GLIS3: variants seen among roughly 807,000 people sequenced by gnomAD.
GLIS3 encodes GLIS family zinc finger 3, also known as zinc finger protein GLIS3.
Under a neutral mutation model 78.6 loss-of-function variants are expected in GLIS3, and 53 were observed. That is an observed-to-expected ratio of 0.67 (90% CI 0.54 to 0.85). The LOEUF is 0.85. Among genes scored for constraint, GLIS3 ranks in the 40% least tolerant of loss-of-function variants. The pLI is 0.00. For synonymous variants in GLIS3, 684 were observed against 509.9 expected (o/e 1.34, Z -4.60); for missense variants, 1,703 against 1,231.1 (o/e 1.38, Z -5.74).
intron 4 of GLIS3, among the ~76,000 whole-genome samples, chr9:4,056,216 T>C (rs1434682715): frequency 1.3e-5 from 2 of 152,198 alleles, no homozygotes; most frequent in African/African-American, 4.8e-5. Flanking sequence ...AATTTATCTC[T>C]AAAAGCCCTT....
intron 7 of GLIS3, among the ~76,000 whole-genome samples, chr9:3,894,203 A>C (rs532281313): frequency 2.0e-5 from 3 of 152,216 alleles, no homozygotes; most frequent in Non-Finnish European, 4.4e-5. Context: ...AGTTAATGCA[A>C]GTAATAACTA....
chr9:4,041,106 G>C (rs1824775599), intron 4 of GLIS3, among the ~76,000 whole-genome samples: 1 of 152,194 alleles, frequency 6.6e-6, no homozygotes, highest in Non-Finnish European at 1.5e-5. Context: ...CAGGCATTTT[G>C]GCCATGTCCA....
chr9:4,455,878 C>G, the GLIS3 span, among the ~76,000 whole-genome samples: 13 of 151,876 alleles, frequency 8.6e-5, no homozygotes, highest in Non-Finnish European at 1.8e-4. Context: ...TTTGGAAGAC[C>G]AAGGCATGTG....
At chr9:3,983,504 A>G (rs1002643843) in intron 4 of GLIS3, among the ~76,000 whole-genome samples, 1 of 152,230 alleles carries the variant, frequency 6.6e-6, no homozygotes, top group Non-Finnish European at 1.5e-5. Context: ...GCTCAGAAGA[A>G]GACAAAAAAA....
the GLIS3 span, among the ~76,000 whole-genome samples, chr9:4,377,491 C>T: frequency 3.7e-5 from 5 of 135,378 alleles, 1 homozygote; most frequent in African/African-American, 1.3e-4. Flanking sequence ...TCTTCCTCAG[C>T]TTACAGACGG....
chr9:4,071,123 T>C (rs1310169985), intron 4 of GLIS3: 1 of 152,194 alleles, frequency 6.6e-6, no homozygotes, highest in Non-Finnish European at 1.5e-5. Flanking sequence ...TTAGCAATTA[T>C]CACAAAGTAG....
Position 4,242,256 on chromosome 9 carries a change from T to A in GLIS3, c.388+43782A>T, listed in dbSNP as rs544853545. On this transcript the variant is annotated intron_variant, in intron 2 of 10. Coordinates refer to ENST00000381971, the MANE Select transcript of GLIS3 (RefSeq NM_001042413.2). ...GGTTCCCCACGGTAACACAGGGCCG[T>A]CTTTTATCTTCTAATTCTAGGACAT... Among the ~76,000 whole-genome samples, 4 of 152,126 alleles carry A rather than the reference T, an allele frequency of 2.6e-5. No homozygotes were observed. In the South Asian group the frequency reaches 8.3e-4, roughly 32 times the overall value.
chr9:4,470,756 C>T, the GLIS3 span, among the ~76,000 whole-genome samples: 26 of 151,604 alleles, frequency 1.7e-4, no homozygotes, highest in Non-Finnish European at 2.6e-4. Flanking sequence ...CTGGCCAGGG[C>T]AATAAGGCAG....
intron 4 of GLIS3, among the ~76,000 whole-genome samples, chr9:4,052,025 T>G (rs1825784736): frequency 6.6e-6 from 1 of 152,198 alleles, no homozygotes; most frequent in South Asian, 2.1e-4. Context: ...GGCCCGGGTA[T>G]AAAACACATC....
At chr9:3,937,859 A>G (rs1825981290) in intron 4 of GLIS3, among the ~76,000 whole-genome samples, 1 of 152,234 alleles carries the variant, frequency 6.6e-6, no homozygotes, top group Non-Finnish European at 1.5e-5. Flanking sequence ...ATTTTCCAAA[A>G]AAGTACCGTA....
intron 2 of GLIS3, among the ~76,000 whole-genome samples, chr9:4,215,742 G>A (rs148268401): frequency 6.6e-6 from 1 of 152,070 alleles, no homozygotes; most frequent in Admixed American, 6.5e-5. Flanking sequence ...CCACTTCAAA[G>A]TTTCCTCATA....
the GLIS3 span, among the ~76,000 whole-genome samples, chr9:4,415,797 T>TTTC: frequency 6.6e-6 from 1 of 151,008 alleles, no homozygotes; most frequent in Non-Finnish European, 1.5e-5. Flanking sequence ...AAATTTTAAC[T>TTTC]TTTCTTTTTT....
intron 4 of GLIS3, among the ~76,000 whole-genome samples, chr9:4,105,884 G>C (rs1320184497): frequency 6.6e-6 from 1 of 152,146 alleles, no homozygotes; most frequent in African/African-American, 2.4e-5. Flanking sequence ...GACCCAAGCT[G>C]TAAGAAGTTA....
the GLIS3 span, among the ~76,000 whole-genome samples, chr9:4,459,604 A>G: frequency 2.6e-5 from 4 of 152,110 alleles, no homozygotes; most frequent in Non-Finnish European, 5.9e-5. Context: ...TCACTAGAAA[A>G]AATTTTAAAA....
intron 2 of GLIS3, among the ~76,000 whole-genome samples, chr9:4,154,484 C>T (rs1834908275): frequency 6.6e-6 from 1 of 152,138 alleles, no homozygotes; most frequent in South Asian, 2.1e-4. Context: ...GATATAACTA[C>T]AAAAATATTT....
the GLIS3 span, among the ~76,000 whole-genome samples, chr9:4,434,096 A>G: frequency 1.4e-5 from 2 of 145,014 alleles, no homozygotes; most frequent in Non-Finnish European, 3.1e-5. Flanking sequence ...CTCTGTCTCA[A>G]AAAAAAAAAA....
At chr9:4,009,446 G>A (rs988705801) in intron 4 of GLIS3, among the ~76,000 whole-genome samples, 5 of 152,198 alleles carry the variant, frequency 3.3e-5, no homozygotes, top group African/African-American at 4.8e-5. Flanking sequence ...CCAGCAAGGT[G>A]CAGCCATGGC....
chr9:4,146,228 T>G (rs1412893501), intron 2 of GLIS3, among the ~76,000 whole-genome samples: 1 of 152,194 alleles, frequency 6.6e-6, no homozygotes, highest in Non-Finnish European at 1.5e-5. Flanking sequence ...TTTGTGTCTT[T>G]AATGTTGAAG....
rs1015234749 is a variant in GLIS3, at chr9:4,130,671, T to A, written c.389-4730A>T. On this transcript the variant is annotated intron_variant, in intron 2 of 10. Transcript: ENST00000381971. ...TTCTGCCTAGATTTCAGAGGATGCA[T>A]GGAAAAGCCTGGATGTCCAGACAGA... Among the ~76,000 whole-genome samples, 4 of 152,110 alleles carry A rather than the reference T, an allele frequency of 2.6e-5. 1 individual carries two copies. The highest frequency in any genetic ancestry group is 5.9e-5 in the Non-Finnish European group (4 of 68,000).
Sources: gnomAD v4.1 joint callset for allele counts (sites outside exome capture counted in the v4.1 genomes callset) on GRCh38, gnomAD v4.1.1 for gene constraint, MANE v1.5 for transcripts, NCBI Gene and HGNC (gene_info 2026-07-23, HGNC 2026-07-21) for gene names.